The following TYR variants were observed in gnomAD, a reference collection of about 807,000 sequenced individuals.
The protein encoded by TYR is tyrosinase.
Under a neutral mutation model 51.5 loss-of-function variants are expected in TYR, and 58 were observed. The ratio of observed to expected loss-of-function variants is 1.13; its 90% CI spans 0.91 to 1.40. TYR has a LOEUF of 1.40. Ranked by LOEUF, TYR falls within the 40% of genes most tolerant of loss-of-function variation. The pLI, the probability that TYR is intolerant of heterozygous loss-of-function variation, is 0.00. For missense variants in TYR, 732 were observed against 647.4 expected, an observed-to-expected ratio of 1.13 and a Z score of -1.42; for synonymous variants, 263 against 235.2, an observed-to-expected ratio of 1.12 and a Z score of -1.08.
chr11:89,200,168 C>CG (rs1166583777), intron 2 of TYR: 40 of 152,186 alleles, frequency 2.6e-4, no homozygotes, highest in African/African-American at 9.7e-4. Context: ...CTCTGCCTCC[C>CG]GGGTTCAAAG....
intron 3 of TYR, among the ~76,000 whole-genome samples, chr11:89,277,380 C>G (rs1944667916): frequency 6.6e-6 from 1 of 151,710 alleles, no homozygotes; most frequent in African/African-American, 2.4e-5. Context: ...GTGTGATTGT[C>G]ACGTCATCTG....
Position 89,270,254 on chromosome 11 carries a change from T to C in TYR, c.1185-14519T>C, listed in dbSNP as rs561474712. Among the ~76,000 whole-genome samples the C allele has an allele frequency of 4.0e-5, 6 of 151,884 alleles. No homozygotes were observed. In the East Asian group the frequency reaches 5.8e-4, roughly 15 times the overall value. On this transcript the variant is annotated intron_variant, in intron 3 of 4. Coordinates refer to ENST00000263321, the MANE Select transcript of TYR (RefSeq NM_000372.5). ...TTTACTCCTACTAGAATGCTTTTTT[T>C]CCCTCTTATTACTTTGCCTAGATCT... is the stretch of plus-strand genomic sequence containing the variant.
intron 3 of TYR, among the ~76,000 whole-genome samples, chr11:89,284,399 T>C (rs1259441066): frequency 2.6e-5 from 4 of 151,756 alleles, no homozygotes; most frequent in Admixed American, 6.6e-5. Flanking sequence ...TCCAATTTAG[T>C]TTTATACGTT....
chr11:89,231,170 CAAA>C (rs1156577257), intron 3 of TYR, among the ~76,000 whole-genome samples: 2 of 65,600 alleles, frequency 3.0e-5, no homozygotes, highest in Non-Finnish European at 6.6e-5. Context: ...GACTTCGTCT[CAAA>C]AAAAAAAAAA....
chr11:89,194,554 G>T (rs965857401), intron 2 of TYR, among the ~76,000 whole-genome samples: 2 of 152,072 alleles, frequency 1.3e-5, no homozygotes, highest in Non-Finnish European at 2.9e-5. Flanking sequence ...TGGCATCGTC[G>T]ATGGTTACAA....
At chr11:89,182,872 GA>G (rs34295137) in intron 1 of TYR, among the ~76,000 whole-genome samples, 74,549 of 151,642 alleles carry the variant, frequency 0.49, 20,691 homozygotes, top group African/African-American at 0.77. Flanking sequence ...AAACAAAGAG[GA>G]AAAAACATTT....
intron 2 of TYR, among the ~76,000 whole-genome samples, chr11:89,193,808 TA>T (rs1943480234): frequency 6.6e-6 from 1 of 152,082 alleles, no homozygotes; most frequent in Non-Finnish European, 1.5e-5. Context: ...GTTGTGAAAA[TA>T]AAAGCAATAC....
intron 2 of TYR, among the ~76,000 whole-genome samples, chr11:89,207,503 G>A (rs1943687117): frequency 6.6e-6 from 1 of 151,946 alleles, no homozygotes; most frequent in African/African-American, 2.4e-5. Flanking sequence ...GAAATCCTAA[G>A]GAATAGAATG....
At chr11:89,180,768 G>C (rs1483000830) in intron 1 of TYR, among the ~76,000 whole-genome samples, 1 of 152,118 alleles carries the variant, frequency 6.6e-6, no homozygotes, top group Admixed American at 6.5e-5. Flanking sequence ...CTATGTTTTA[G>C]TAGTGTCAAG....
intron 3 of TYR, among the ~76,000 whole-genome samples, chr11:89,231,347 A>T (rs1422381911): frequency 3.8e-5 from 4 of 106,060 alleles, no homozygotes; most frequent in South Asian, 3.2e-4. Context: ...TGAACTTCCA[A>T]GTTCATTGCA....
intron 2 of TYR, among the ~76,000 whole-genome samples, chr11:89,206,420 A>G (rs185213537): frequency 1.3e-5 from 2 of 152,134 alleles, no homozygotes; most frequent in African/African-American, 4.8e-5. Context: ...ATCAAGATTA[A>G]TGAGTCAATC....
At chr11:89,184,551 G>T (rs976372690) in intron 1 of TYR, among the ~76,000 whole-genome samples, 1 of 152,062 alleles carries the variant, frequency 6.6e-6, no homozygotes, top group Non-Finnish European at 1.5e-5. Flanking sequence ...AATATCATAT[G>T]GCCCTAAGAC....
intron 3 of TYR, among the ~76,000 whole-genome samples, chr11:89,244,162 G>T (rs1348483618): frequency 1.3e-5 from 2 of 152,140 alleles, no homozygotes; most frequent in Non-Finnish European, 2.9e-5. Flanking sequence ...AAAGGGTAGA[G>T]AGGGATATTT....
At chr11:89,207,562 T>C (rs757220901) in intron 2 of TYR, among the ~76,000 whole-genome samples, 34 of 152,206 alleles carry the variant, frequency 2.2e-4, no homozygotes, top group Non-Finnish European at 4.1e-4. Context: ...ATAAATTCTA[T>C]ACAATCTGTT....
Position 89,178,427 on chromosome 11 carries a change from A to G in TYR, c.474A>G (p.Gln158=), listed in dbSNP as rs773881379. Residue 158 remains glutamine, a synonymous_variant, in exon 1 of 5, where the codon CAA becomes CAG. Transcript: ENST00000263321. ...DYVIPIGTYG[Q]MKNGSTPMFN... ...TCATCCCCATAGGGACCTATGGCCA[A>G]ATGAAAAATGGATCAACACCCATGT... The G allele has an allele frequency of 6.2e-7, 1 of 1,614,130 alleles. No homozygotes were observed. Among genetic ancestry groups the G allele is most frequent in the South Asian group, 1.1e-5 (1 of 91,074 alleles).
At chr11:89,247,425 T>A (rs1276634458) in intron 3 of TYR, among the ~76,000 whole-genome samples, 1 of 152,218 alleles carries the variant, frequency 6.6e-6, no homozygotes, top group Non-Finnish European at 1.5e-5. Flanking sequence ...AGAGTTGAAT[T>A]GCTTTCTATC....
intron 3 of TYR, among the ~76,000 whole-genome samples, chr11:89,234,606 G>A (rs961788052): frequency 7.0e-6 from 1 of 142,378 alleles, no homozygotes; most frequent in African/African-American, 2.8e-5. Flanking sequence ...GCCATTTTAG[G>A]GTTATTAATT....
rs187110103 is a variant in TYR at position 89,214,472 on chromosome 11, G to A, written c.1037-13351G>A. On this transcript the variant is annotated intron_variant, in intron 2 of 4. Transcript: ENST00000263321. Reference sequence around the variant, plus strand: ...GTTCAACCATTGTGGAAGAGAGTGTGACGATTCCTCAAGGATCTAGAACTA... The same window carrying A: ...GTTCAACCATTGTGGAAGAGAGTGTAACGATTCCTCAAGGATCTAGAACTA... Among the ~76,000 whole-genome samples, 221 of 152,288 alleles carry A rather than the reference G, an allele frequency of 1.5e-3. 2 individuals carry two copies. The highest frequency in any genetic ancestry group is 5.2e-3 in the African/African-American group (215 of 41,576).
intron 3 of TYR, among the ~76,000 whole-genome samples, chr11:89,252,611 A>T (rs1944344000): frequency 6.6e-6 from 1 of 151,816 alleles, no homozygotes; most frequent in African/African-American, 2.4e-5. Context: ...TGGTGCTTGC[A>T]CTCCACATAA....
Sources: allele counts gnomAD v4.1 joint callset (sites outside exome capture counted in the v4.1 genomes callset), GRCh38; gene constraint gnomAD v4.1.1; transcripts MANE v1.5; gene names NCBI Gene and HGNC (gene_info 2026-07-23, HGNC 2026-07-21).